The following KIZ variants were observed in gnomAD, a reference collection of about 807,000 sequenced individuals.
KIZ encodes kizuna centrosomal protein, also known as centrosomal protein kizuna.
Under a neutral mutation model 79.6 loss-of-function variants are expected in KIZ, and 68 were observed. The ratio of observed to expected loss-of-function variants is 0.85; its 90% confidence interval spans 0.70 to 1.05. KIZ has a LOEUF of 1.05. KIZ is among the 50% of genes least tolerant of loss of function. The pLI is 0.00. For synonymous variants in KIZ, 280 were observed against 281.8 expected (o/e 0.99, Z 0.06); for missense variants, 797 against 800.4 (o/e 1.00, Z 0.05).
chr20:21,126,858 T>C (rs561523029), intron 1 of KIZ, among the ~76,000 whole-genome samples: 1 of 152,348 alleles, frequency 6.6e-6, no homozygotes, highest in East Asian at 1.9e-4. Flanking sequence ...GAGAAAATTA[T>C]ACCGCAATGT....
At chr20:21,169,623 T>C (rs1600440913) in intron 6 of KIZ, among the ~76,000 whole-genome samples, 1 of 152,182 alleles carries the variant, frequency 6.6e-6, no homozygotes, top group African/African-American at 2.4e-5. Flanking sequence ...TAAAGACACA[T>C]GCAGACGTAT....
intron 9 of KIZ, among the ~76,000 whole-genome samples, chr20:21,223,885 T>C (rs572998024): frequency 1.2e-4 from 18 of 152,014 alleles, no homozygotes; most frequent in African/African-American, 4.3e-4. Context: ...ACCATGTTGG[T>C]CAGGCTGGTC....
At chr20:21,157,782 T>C (rs2122633461) in intron 4 of KIZ, among the ~76,000 whole-genome samples, 1 of 152,364 alleles carries the variant, frequency 6.6e-6, no homozygotes, top group African/African-American at 2.4e-5. Flanking sequence ...TTTTGTGCTT[T>C]GGCTTGGCCT....
intron 3 of KIZ, among the ~76,000 whole-genome samples, chr20:21,137,595 A>G (rs914486641): frequency 2.6e-5 from 4 of 151,464 alleles, no homozygotes; most frequent in Non-Finnish European, 5.9e-5. Context: ...TAGATGCAGT[A>G]GTTGTAAATA....
chr20:21,166,140 T>G, intron 6 of KIZ: 1 of 930,424 alleles, frequency 1.1e-6, no homozygotes, highest in Non-Finnish European at 1.6e-6. Flanking sequence ...CTAATTTTTG[T>G]ATTTTGTATT....
At chr20:21,244,435 C>T (rs960499606) in intron 12 of KIZ, 147 bp downstream of exon 12, 1 of 647,960 alleles carries the variant, frequency 1.5e-6, no homozygotes. Context: ...TGGGGTGGAA[C>T]CTGAGGGCTT....
At position 21,176,954 on chromosome 20, in the gene KIZ, G is replaced by A. The variant is rs1033691506; in HGVS notation, c.1352+13795G>A. On this transcript the variant is annotated intron_variant, in intron 6 of 12. Coordinates refer to ENST00000619189, the MANE Select transcript of KIZ (RefSeq NM_018474.6). Reference sequence around the variant, plus strand: ...TGTCAAAATTTCCTTCCTTTTTAAGGCAGAATAATATTTCATTGTACGTGT... The same window carrying A: ...TGTCAAAATTTCCTTCCTTTTTAAGACAGAATAATATTTCATTGTACGTGT... 7.2e-5 allele frequency among the ~76,000 whole-genome samples: 11 copies of A among 152,282 alleles called. No individual in the cohort carries two copies. The East Asian group carries it at 1.4e-3, about 19-fold the overall frequency.
At position 21,232,762 on chromosome 20, in the gene KIZ, G is replaced by A; in HGVS notation, c.1812G>A (p.Glu604=). The change falls in exon 11 of 13, where the codon GAG becomes GAA. Residue 604 remains glutamate, a synonymous_variant. Coordinates refer to ENST00000619189, the MANE Select transcript of KIZ (RefSeq NM_018474.6). ...SGLNIGSGAF[E]TKTANKIASE... ...TGAATATTGGCAGCGGTGCATTCGA[G>A]ACAAAGACAGCTAACAAAATTGCTT... 6.3e-7 allele frequency: 1 copy of A among 1,592,130 alleles called. No individual in the cohort carries two copies. Among genetic ancestry groups the A allele is most frequent in the Non-Finnish European group, 8.6e-7 (1 of 1,165,832 alleles).
intron 6 of KIZ, among the ~76,000 whole-genome samples, chr20:21,181,576 A>T (rs142327647): frequency 1.3e-5 from 2 of 151,758 alleles, no homozygotes; most frequent in African/African-American, 2.4e-5. Context: ...CTCATGCCTC[A>T]GCTTCCCTTG....
intron 6 of KIZ, among the ~76,000 whole-genome samples, chr20:21,183,302 TTGTG>T (rs1014224939): frequency 3.3e-5 from 5 of 152,226 alleles, no homozygotes; most frequent in Non-Finnish European, 7.3e-5. Context: ...TAAAATTCGA[TTGTG>T]TGATGGTTGC....
At chr20:21,242,559 G>A (rs943941268) in intron 11 of KIZ, among the ~76,000 whole-genome samples, 4 of 148,874 alleles carry the variant, frequency 2.7e-5, no homozygotes, top group South Asian at 2.2e-4. Flanking sequence ...CAGGGGGGTC[G>A]AGAGGGGTGG....
chr20:21,191,247 A>G (rs577776777), intron 6 of KIZ, among the ~76,000 whole-genome samples: 2 of 152,350 alleles, frequency 1.3e-5, no homozygotes, highest in South Asian at 4.1e-4. Context: ...TGGAGTAAAA[A>G]GAATTGTCTT....
intron 11 of KIZ, among the ~76,000 whole-genome samples, chr20:21,238,032 T>A (rs764773997): frequency 2.4e-4 from 36 of 152,098 alleles, no homozygotes; most frequent in Non-Finnish European, 4.4e-4. Context: ...TGTTTCGCCA[T>A]GTTGCCCAGG....
At chr20:21,142,612 G>A (rs1010936888) in intron 3 of KIZ, among the ~76,000 whole-genome samples, 1 of 151,950 alleles carries the variant, frequency 6.6e-6, no homozygotes, top group African/African-American at 2.4e-5. Flanking sequence ...ACAACATGAT[G>A]AGAACCTGTC....
intron 9 of KIZ, 98 bp from the exon 10 acceptor site, chr20:21,228,913 A>C (rs1600600035): frequency 3.4e-6 from 2 of 586,082 alleles, no homozygotes; most frequent in East Asian, 5.6e-5. Flanking sequence ...AATAATTTGC[A>C]TGCATTTAAG....
At chr20:21,233,842 CAAGTT>C (rs761944679) in intron 11 of KIZ, among the ~76,000 whole-genome samples, 2 of 152,002 alleles carry the variant, frequency 1.3e-5, no homozygotes, top group Non-Finnish European at 2.9e-5. Flanking sequence ...AGAAACTTGA[CAAGTT>C]AAGTTTTAGA....
intron 6 of KIZ, chr20:21,196,622 G>A (rs928948453): frequency 2.0e-5 from 3 of 152,234 alleles, no homozygotes; most frequent in African/African-American, 7.2e-5. Context: ...AAGTCAGATA[G>A]GCCTGAAGTC....
In KIZ at chr20:21,136,513, A is replaced by T. The variant is rs759241162; in HGVS notation, c.276A>T (p.Val92=). The T allele has an allele frequency of 6.3e-7, 1 of 1,592,116 alleles. No individual in the cohort carries two copies. Among genetic ancestry groups the T allele is most frequent in the East Asian group, 2.2e-5 (1 of 44,552 alleles). The change falls in exon 3 of 13, where the codon GTA becomes GTT. Residue 92 remains valine, a synonymous_variant. Transcript: ENST00000619189. ...TTGAGCGTGTCCAAGCTCATGTTGTACACTTCACCACAAATACAGAGAAGC... is the reference window on the plus strand; with the variant it reads ...TTGAGCGTGTCCAAGCTCATGTTGTTCACTTCACCACAAATACAGAGAAGC... The part of the protein sequence containing the change: ...KRFERVQAHV[V]HFTTNTEKLQ...
chr20:21,171,380 G>C (rs1437552630), intron 6 of KIZ, among the ~76,000 whole-genome samples: 1 of 152,136 alleles, frequency 6.6e-6, no homozygotes, highest in Non-Finnish European at 1.5e-5. Context: ...CCAATCTATG[G>C]TTTGTCTTTT....
Sources: gnomAD v4.1 joint callset for allele counts (sites outside exome capture counted in the v4.1 genomes callset) on GRCh38, gnomAD v4.1.1 for gene constraint, MANE v1.5 for transcripts, NCBI Gene and HGNC (gene_info 2026-07-23, HGNC 2026-07-21) for gene names.